The following YEATS4 variants were observed in gnomAD, a reference collection of about 807,000 sequenced individuals.
The protein encoded by YEATS4 is YEATS domain-containing protein 4.
In YEATS4, 17 loss-of-function variants were observed where a neutral mutation model predicts 30.1. The observed-to-expected ratio is 0.56, with a 90% CI of 0.39 to 0.85. The LOEUF (loss-of-function observed/expected upper bound fraction) is 0.85. YEATS4 is among the 40% of genes least tolerant of loss of function. The pLI, the probability that YEATS4 is intolerant of heterozygous loss-of-function variation, is 0.00. For missense variants in YEATS4, 142 were observed against 268.3 expected (o/e 0.53, Z 3.29); for synonymous variants, 85 against 87.5 (o/e 0.97, Z 0.16).
chr12:69,419,667 GAA>G, the YEATS4 span, among the ~76,000 whole-genome samples: 1 of 152,214 alleles, frequency 6.6e-6, no homozygotes, highest in East Asian at 1.9e-4. Context: ...TTGAAGGAAA[GAA>G]AGTCATGTGT....
At chr12:69,416,120 A>T in the YEATS4 span, among the ~76,000 whole-genome samples, 2 of 152,168 alleles carry the variant, frequency 1.3e-5, no homozygotes, top group Non-Finnish European at 2.9e-5. Flanking sequence ...GTGGAGGAAG[A>T]GTGGGAACTG....
chr12:69,417,404 C>T, the YEATS4 span, among the ~76,000 whole-genome samples: 1 of 151,950 alleles, frequency 6.6e-6, no homozygotes, highest in Non-Finnish European at 1.5e-5. Context: ...AAGTAATCCT[C>T]CCGCCTCAGC....
At chr12:69,392,032 A>G (rs1868320092), downstream of YEATS4, among the ~76,000 whole-genome samples, 1 of 152,196 alleles carries the variant, frequency 6.6e-6, no homozygotes, top group Admixed American at 6.5e-5. Context: ...TCACTGTGAC[A>G]TTGCAAAGAA....
chr12:69,426,375 AT>A, the YEATS4 span, among the ~76,000 whole-genome samples: 1 of 152,098 alleles, frequency 6.6e-6, no homozygotes, highest in Non-Finnish European at 1.5e-5. Context: ...TTCAGTTTAA[AT>A]TCTTTTTCTT....
the YEATS4 span, among the ~76,000 whole-genome samples, chr12:69,424,662 G>A: frequency 6.6e-6 from 1 of 152,098 alleles, no homozygotes; most frequent in Non-Finnish European, 1.5e-5. Flanking sequence ...GTTCTCACGA[G>A]ATCTGATGGC....
intron 6 of YEATS4, among the ~76,000 whole-genome samples, chr12:69,387,645 A>G (rs1446133943): frequency 6.6e-6 from 1 of 152,262 alleles, no homozygotes; most frequent in Non-Finnish European, 1.5e-5. Flanking sequence ...GCTTCCAGAT[A>G]TAATGTTAAG....
the YEATS4 span, among the ~76,000 whole-genome samples, chr12:69,414,181 A>G: frequency 6.6e-6 from 1 of 152,238 alleles, no homozygotes; most frequent in African/African-American, 2.4e-5. Flanking sequence ...TCAAATATCT[A>G]AGCAACGATT....
chr12:69,407,663 G>A, the YEATS4 span, among the ~76,000 whole-genome samples: 3 of 144,524 alleles, frequency 2.1e-5, no homozygotes, highest in Non-Finnish European at 4.5e-5. Flanking sequence ...CCTGATACCA[G>A]TGGTCCAGTA....
chr12:69,387,882 T>A (rs1868270167), intron 6 of YEATS4, among the ~76,000 whole-genome samples: 1 of 152,210 alleles, frequency 6.6e-6, no homozygotes, highest in Non-Finnish European at 1.5e-5. Flanking sequence ...CTCTTTAATC[T>A]TTTAATTTGT....
intron 6 of YEATS4, among the ~76,000 whole-genome samples, chr12:69,376,940 G>T (rs907231511): frequency 3.9e-5 from 6 of 152,276 alleles, no homozygotes; most frequent in African/African-American, 1.4e-4. Flanking sequence ...TAGGTTGTAT[G>T]TGTCTAGGAA....
intron 2 of YEATS4, among the ~76,000 whole-genome samples, chr12:69,363,926 A>T (rs1187960653): frequency 6.6e-6 from 1 of 152,242 alleles, no homozygotes; most frequent in African/African-American, 2.4e-5. Context: ...TGAAACTTGA[A>T]AGCATTATGC....
downstream of YEATS4, among the ~76,000 whole-genome samples, chr12:69,395,342 A>G (rs989690099): frequency 9.2e-5 from 14 of 152,348 alleles, no homozygotes; most frequent in African/African-American, 3.4e-4. Flanking sequence ...GCAAATGTCT[A>G]TCAATAGAAG....
chr12:69,391,253 C>T (rs1300185325), downstream of YEATS4, among the ~76,000 whole-genome samples: 1 of 151,150 alleles, frequency 6.6e-6, no homozygotes, highest in African/African-American at 2.4e-5. Flanking sequence ...GAGATCACGC[C>T]ACTGCACTCC....
At chr12:69,424,565 C>T in the YEATS4 span, among the ~76,000 whole-genome samples, 5 of 152,156 alleles carry the variant, frequency 3.3e-5, no homozygotes, top group African/African-American at 7.2e-5. Context: ...GAATTGTAAT[C>T]GTCAGGGGTT....
At chr12:69,370,585 A>G in intron 4 of YEATS4, 121 bp from the exon 5 acceptor site, 1 of 784,938 alleles carries the variant, frequency 1.3e-6, no homozygotes, top group Non-Finnish European at 1.8e-6. Flanking sequence ...TGCAGTTGAA[A>G]CAAGATCATG....
chr12:69,371,025 T>G, intron 6 of YEATS4, 50 bp downstream of exon 6: 2 of 1,552,252 alleles, frequency 1.3e-6, no homozygotes, highest in Non-Finnish European at 1.8e-6. Flanking sequence ...TCTGTAATAG[T>G]GAAAGGGTTG....
downstream of YEATS4, among the ~76,000 whole-genome samples, chr12:69,393,450 G>A (rs568760451): frequency 6.6e-6 from 1 of 150,856 alleles, no homozygotes. Flanking sequence ...CCTGGTGACA[G>A]AGCAAGACCT....
At chr12:69,390,092 A>G (rs1868299370) in intron 6 of YEATS4, 55 bp from the exon 7 acceptor site, 21 of 1,406,356 alleles carry the variant, frequency 1.5e-5, no homozygotes, top group Non-Finnish European at 1.7e-5. Context: ...TTACCCTGTC[A>G]TATATCTTAA....
At chr12:69,376,246 A>G (rs1330026071) in intron 6 of YEATS4, among the ~76,000 whole-genome samples, 1 of 152,152 alleles carries the variant, frequency 6.6e-6, no homozygotes, top group Non-Finnish European at 1.5e-5. Flanking sequence ...TGTGCCTGTA[A>G]TCCCAGCTAC....
Sources: allele counts gnomAD v4.1 joint callset (sites outside exome capture counted in the v4.1 genomes callset), GRCh38; gene constraint gnomAD v4.1.1; transcripts MANE v1.5; gene names NCBI Gene and HGNC (gene_info 2026-07-23, HGNC 2026-07-21).